The following NTRK3 variants were observed in gnomAD, a reference collection of about 807,000 sequenced individuals.
NTRK3 encodes the protein neurotrophic receptor tyrosine kinase 3.
NTRK3 carries 24 observed loss-of-function variants against 91.7 expected under a neutral mutation model. The observed-to-expected ratio is 0.26, with a 90% CI of 0.19 to 0.37. NTRK3 has a LOEUF of 0.37. NTRK3 is among the 10% of genes least tolerant of loss of function. The pLI is 1.00. For missense variants in NTRK3, 880 were observed against 1,068.9 expected, an observed-to-expected ratio of 0.82 and a Z score of 2.46; for synonymous variants, 483 against 404.0, an observed-to-expected ratio of 1.20 and a Z score of -2.34.
At chr15:87,861,490 T>C (rs1567042738) in exon 19 of NTRK3, 1 of 198,454 alleles carries the variant, frequency 5.0e-6, no homozygotes, top group Non-Finnish European at 1.0e-5. Flanking sequence ...CTTAGTTTAA[T>C]ACAAGTTTTG....
chr15:88,008,554 C>G (rs2076650243), intron 14 of NTRK3, among the ~76,000 whole-genome samples: 1 of 152,004 alleles, frequency 6.6e-6, no homozygotes, highest in Non-Finnish European at 1.5e-5. Flanking sequence ...AATGCAGATT[C>G]CTGAGGACAC....
chr15:88,032,472 G>T (rs2078633252), intron 14 of NTRK3, among the ~76,000 whole-genome samples: 1 of 152,128 alleles, frequency 6.6e-6, no homozygotes, highest in African/African-American at 2.4e-5. Flanking sequence ...GGAGGCTTGG[G>T]TGGAGGTTCT....
chr15:88,081,177 G>A (rs1377984978), intron 13 of NTRK3, among the ~76,000 whole-genome samples: 1 of 152,164 alleles, frequency 6.6e-6, no homozygotes. Context: ...GCCTGGCCAG[G>A]CTGAGATTGA....
intron 17 of NTRK3, 121 bp downstream of exon 17, chr15:87,929,070 G>T: frequency 6.9e-7 from 1 of 1,458,526 alleles, no homozygotes; most frequent in East Asian, 2.3e-5. Context: ...TTGAGTGCAT[G>T]TCTGGGCATG....
At chr15:88,169,740 G>C (rs953712559) in intron 5 of NTRK3, among the ~76,000 whole-genome samples, 2 of 152,148 alleles carry the variant, frequency 1.3e-5, no homozygotes, top group African/African-American at 2.4e-5. Context: ...AATATACCAG[G>C]CTTTCTCTCT....
chr15:87,981,997 G>C (rs1216326907), intron 14 of NTRK3, among the ~76,000 whole-genome samples: 1 of 152,186 alleles, frequency 6.6e-6, no homozygotes, highest in Non-Finnish European at 1.5e-5. Context: ...TATCATTGTA[G>C]CTTCTGAGGA....
At chr15:88,167,776 G>T (rs1256226563) in intron 5 of NTRK3, among the ~76,000 whole-genome samples, 2 of 152,106 alleles carry the variant, frequency 1.3e-5, no homozygotes, top group South Asian at 2.1e-4. Context: ...GACGCTTTGG[G>T]AGACCTAATA....
intron 16 of NTRK3, 36 bp from the exon 17 acceptor site, chr15:87,929,470 G>C (rs1464805983): frequency 6.2e-7 from 1 of 1,609,906 alleles, no homozygotes; most frequent in Non-Finnish European, 8.5e-7. Context: ...GGGGCAGAGA[G>C]AAATCAGGAG....
At chr15:88,000,509 T>C (rs1393353026) in intron 14 of NTRK3, among the ~76,000 whole-genome samples, 2 of 152,184 alleles carry the variant, frequency 1.3e-5, no homozygotes, top group Non-Finnish European at 2.9e-5. Context: ...CAGTTATTCA[T>C]CACCCTGTGT....
intron 14 of NTRK3, among the ~76,000 whole-genome samples, chr15:88,017,341 T>A (rs1224278313): frequency 6.6e-6 from 1 of 152,186 alleles, no homozygotes; most frequent in African/African-American, 2.4e-5. Context: ...GATACAAGGA[T>A]GCAGAAGGAA....
intron 3 of NTRK3, among the ~76,000 whole-genome samples, chr15:88,210,473 T>C (rs2049146070): frequency 6.6e-6 from 1 of 152,242 alleles, no homozygotes; most frequent in Admixed American, 6.5e-5. Context: ...GTTGTTCCTC[T>C]GCAATTCCTC....
chr15:87,940,830 G>A (rs2069763398), intron 14 of NTRK3, 77 bp from the exon 15 acceptor site: 1 of 1,604,306 alleles, frequency 6.2e-7, no homozygotes, highest in Non-Finnish European at 8.5e-7. Context: ...GAGTACAGAG[G>A]TCTAGCGTGG....
At chr15:87,949,946 T>A (rs1196339544) in intron 14 of NTRK3, among the ~76,000 whole-genome samples, 2 of 152,152 alleles carry the variant, frequency 1.3e-5, no homozygotes, top group Non-Finnish European at 2.9e-5. Context: ...TTCCTCTGCC[T>A]CTTCTGGCCT....
chr15:87,980,517 ATG>A (rs756572239), intron 14 of NTRK3, among the ~76,000 whole-genome samples: 6 of 152,176 alleles, frequency 3.9e-5, no homozygotes, highest in South Asian at 2.1e-4. Flanking sequence ...GTGCGAATAT[ATG>A]TGTGTGTACA....
chr15:88,052,226 T>C (rs1202057583), intron 13 of NTRK3, among the ~76,000 whole-genome samples: 1 of 151,700 alleles, frequency 6.6e-6, no homozygotes. Flanking sequence ...GGAGGTAGCC[T>C]GCACTCAACA....
chr15:87,877,425 A>G (rs769257527), intron 18 of NTRK3, among the ~76,000 whole-genome samples: 1 of 152,112 alleles, frequency 6.6e-6, no homozygotes, highest in Non-Finnish European at 1.5e-5. Context: ...TTTCTTCTCT[A>G]GTCCTGAATC....
At chr15:87,901,258 T>A (rs1187006101) in intron 17 of NTRK3, among the ~76,000 whole-genome samples, 2 of 152,250 alleles carry the variant, frequency 1.3e-5, no homozygotes, top group African/African-American at 2.4e-5. Flanking sequence ...GTCTTAAATG[T>A]GAAGCCAGAA....
intron 17 of NTRK3, among the ~76,000 whole-genome samples, chr15:87,898,839 A>AT: frequency 6.6e-6 from 1 of 151,216 alleles, no homozygotes; most frequent in Non-Finnish European, 1.5e-5. Flanking sequence ...AAAAAAAAAA[A>AT]AAAAAATACA....
At chr15:88,014,220 C>T (rs1188862960) in intron 14 of NTRK3, among the ~76,000 whole-genome samples, 2 of 152,186 alleles carry the variant, frequency 1.3e-5, no homozygotes, top group African/African-American at 2.4e-5. Flanking sequence ...TTTTGTCAGA[C>T]ATTCCTTATT....
Sources: gnomAD v4.1 joint callset for allele counts (sites outside exome capture counted in the v4.1 genomes callset) on GRCh38, gnomAD v4.1.1 for gene constraint, MANE v1.5 for transcripts, NCBI Gene and HGNC (gene_info 2026-07-23, HGNC 2026-07-21) for gene names.